The following GZMB variants were observed in gnomAD, a reference collection of about 807,000 sequenced individuals.
GZMB encodes T-cell serine protease 1-3E.
A neutral mutation model predicts 24.2 loss-of-function variants in GZMB; 27 were observed. The observed-to-expected ratio is 1.12, with a 90% CI of 0.82 to 1.54. The LOEUF (loss-of-function observed/expected upper bound fraction) is 1.54. Among genes scored for constraint, GZMB ranks in the 40% most tolerant of loss-of-function variants. The probability of loss-of-function intolerance (pLI) is 0.00; values close to 1 mark genes in which losing one functional copy is unlikely to be tolerated. For synonymous variants in GZMB, 121 were observed against 115.1 expected (o/e 1.05, Z -0.33); for missense variants, 336 against 310.1 (o/e 1.08, Z -0.63).
chr14:24,632,585 CAGGAA>C, intron 2 of GZMB, 126 bp from the exon 3 acceptor site: 3 of 1,473,332 alleles, frequency 2.0e-6, no homozygotes, highest in Non-Finnish European at 1.9e-6. Context: ...AGTCGGTCCC[CAGGAA>C]TTGGAATTCT....
rs997672902 is a variant in GZMB, at chr14:24,631,132, C to T, written c.683G>A (p.Arg228Gln). 19 of 1,612,434 alleles carry T rather than the reference C, an allele frequency of 1.2e-5. No homozygotes were observed. The highest frequency in any genetic ancestry group is 3.3e-4 in the Middle Eastern group (2 of 6,046). ...SYGRNNGMPP[R>Q]ACTKVSSFVH... The stretch of plus-strand genomic sequence containing the variant: ...AAAGCTTGAGACTTTGGTGCAGGCT[C>T]GTGGAGGCATGCCATTGTTTCGTCC... Residue 228 changes from arginine (R) to glutamine (Q), a missense_variant, in exon 5 of 5, where the codon CGA (arginine) becomes CAA (glutamine). Arg to Gln is a conservative substitution (Grantham distance 43). Transcript: ENST00000216341.
At chr14:24,632,685 T>C in intron 2 of GZMB, 1 of 824,260 alleles carries the variant, frequency 1.2e-6, no homozygotes, top group Non-Finnish European at 2.0e-6. Flanking sequence ...TGCCAAAGTA[T>C]GCCCCCAGTT....
At chr14:24,633,091 C>G in intron 1 of GZMB, 29 bp from the exon 2 acceptor site, 2 of 1,575,378 alleles carry the variant, frequency 1.3e-6, no homozygotes, top group South Asian at 1.2e-5. Context: ...TGCTTGTGGG[C>G]ACCCATGGAA....
At position 24,631,824 on chromosome 14, in the gene GZMB, C is replaced by G. The variant is rs948215007; in HGVS notation, c.600+34G>C. 3.1e-6 allele frequency: 5 copies of G among 1,599,988 alleles called. No individual in the cohort carries two copies. In the African/African-American group the frequency reaches 5.4e-5, roughly 17 times the overall value. ...CAGATATTCCCCAAACATCTTTCTC[C>G]CAAGAGCCAATCCAGGCAGGTGCAT... is the stretch of plus-strand genomic sequence containing the variant. On this transcript the variant is annotated intron_variant, in intron 4 of 4. Transcript: ENST00000216341.
At position 24,632,816 on chromosome 14, in the gene GZMB, G is replaced by A. The variant is rs562327651; in HGVS notation, c.203+99C>T. 2.1e-3 allele frequency: 2,575 copies of A among 1,220,166 alleles called. 3 individuals carry two copies. The highest frequency in any genetic ancestry group is 2.7e-3 in the Non-Finnish European group (2,211 of 827,886). 75.6% of individuals were successfully genotyped at this position (1,220,166 alleles called of 1,614,324 possible). A position where few individuals can be genotyped will look rare whatever the true frequency, so the allele number is the denominator to read the frequency against. On this transcript the variant is annotated intron_variant, in intron 2 of 4. Transcript: ENST00000216341. ...TCTCACCCTCTAAGGAGACCTCCTG[G>A]CATGTGTGTTCACAGGAGCCCAGGG...
chr14:24,631,291 A>G, intron 4 of GZMB, 77 bp from the exon 5 acceptor site: 1 of 1,329,816 alleles, frequency 7.5e-7, no homozygotes, highest in Non-Finnish European at 1.1e-6. Context: ...GCCCCCTTTT[A>G]GAAAAGGCCA....
At chr14:24,631,300 C>G in intron 4 of GZMB, 86 bp from the exon 5 acceptor site, 1 of 1,173,874 alleles carries the variant, frequency 8.5e-7, no homozygotes, top group Non-Finnish European at 1.2e-6. Context: ...TAGAAAAGGC[C>G]AACTTGCACA....
intron 1 of GZMB, 79 bp from the exon 2 acceptor site, chr14:24,633,141 T>G: frequency 6.7e-7 from 1 of 1,497,182 alleles, no homozygotes; most frequent in Middle Eastern, 1.8e-4. Context: ...CCAGAACTCC[T>G]GGGCATTTGG....
chr14:24,634,176 G>A lies in GZMB; in HGVS notation c.-16C>T, dbSNP rs753724472. 2.5e-6 allele frequency: 4 copies of A among 1,581,804 alleles called. No homozygotes were observed. The highest frequency in any genetic ancestry group is 8.6e-7 in the Non-Finnish European group (1 of 1,164,256). On this transcript the variant is annotated 5_prime_UTR_variant, in exon 1 of 5. Transcript: ENST00000216341. ...TTGGTTGCATCTTCTCAGGAAGGCT[G>A]CCCTGGTTGGAGCTGCTGTTGTTTC...
chr14:24,631,672 C>T, intron 4 of GZMB, 186 bp downstream of exon 4: 1 of 614,492 alleles, frequency 1.6e-6, no homozygotes. Flanking sequence ...CCACCATAAG[C>T]CTCCTGGTAA....
rs1207477056 is a variant in GZMB, at chr14:24,634,187, A to G, written c.-27T>C. On this transcript the variant is annotated 5_prime_UTR_variant, in exon 1 of 5. Coordinates refer to ENST00000216341, the MANE Select transcript of GZMB (RefSeq NM_004131.6). The stretch of plus-strand genomic sequence containing the variant: ...TTCTCAGGAAGGCTGCCCTGGTTGG[A>G]GCTGCTGTTGTTTCCTCCTTGCTCT... 6 of 1,576,382 alleles carry G rather than the reference A, an allele frequency of 3.8e-6. No homozygotes were observed. In the Admixed American group the frequency reaches 1.1e-4, roughly 30 times the overall value.
intron 2 of GZMB, 35 bp downstream of exon 2, chr14:24,632,880 T>C: frequency 6.3e-7 from 1 of 1,599,248 alleles, no homozygotes; most frequent in Non-Finnish European, 8.6e-7. Flanking sequence ...TGTGGAGTGT[T>C]TCCAGGAGGG....
chr14:24,631,129 G>A lies in GZMB; in HGVS notation c.686C>T (p.Ala229Val), dbSNP rs2066990607. The A allele has an allele frequency of 2.5e-6, 4 of 1,612,714 alleles. No homozygotes were observed. The highest frequency in any genetic ancestry group is 3.4e-6 in the Non-Finnish European group (4 of 1,178,746). Residue 229 changes from alanine to valine, a missense_variant, in exon 5 of 5, where the codon GCC becomes GTC. Coordinates refer to ENST00000216341, the MANE Select transcript of GZMB (RefSeq NM_004131.6). ...TACAAAGCTTGAGACTTTGGTGCAG[G>A]CTCGTGGAGGCATGCCATTGTTTCG... is the stretch of plus-strand genomic sequence containing the variant. The part of the protein sequence containing the change: ...YGRNNGMPPR[A>V]CTKVSSFVHW...
At position 24,631,190 on chromosome 14, in the gene GZMB, A is replaced by G; in HGVS notation, c.625T>C (p.Cys209Arg). ...ACAATGCCCTGGGCCACCTTGTTAC[A>G]CACAAGAGGGCCTCCAGAGTCCCCC... is the stretch of plus-strand genomic sequence containing the variant. The part of the protein sequence containing the change: ...FKGDSGGPLV[C>R]NKVAQGIVSY... The change falls in exon 5 of 5, where the codon TGT (cysteine) becomes CGT (arginine). Residue 209 changes from cysteine to arginine, a missense_variant. Coordinates refer to ENST00000216341, the MANE Select transcript of GZMB (RefSeq NM_004131.6). 1.2e-6 allele frequency: 2 copies of G among 1,613,308 alleles called. No individual in the cohort carries two copies. Among genetic ancestry groups the G allele is most frequent in the Non-Finnish European group, 1.7e-6 (2 of 1,179,394 alleles).
intron 1 of GZMB, 124 bp from the exon 2 acceptor site, chr14:24,633,186 G>A: frequency 6.8e-7 from 1 of 1,463,932 alleles, no homozygotes; most frequent in African/African-American, 1.4e-5. Context: ...GAGTGGCCTG[G>A]AGGAAGGGGC....
chr14:24,631,760 T>C, intron 4 of GZMB, 98 bp downstream of exon 4: 1 of 956,252 alleles, frequency 1.0e-6, no homozygotes, highest in Non-Finnish European at 1.7e-6. Context: ...CACAGTCTAG[T>C]GGGTGAAGGA....
intron 1 of GZMB, 58 bp from the exon 2 acceptor site, chr14:24,633,120 G>A: frequency 6.5e-7 from 1 of 1,532,672 alleles, no homozygotes; most frequent in Non-Finnish European, 8.8e-7. Context: ...GTGGGCACCT[G>A]CTTAGTGGCT....
In GZMB at chr14:24,631,403, T is replaced by C. The variant is rs1594827217; in HGVS notation, c.601-189A>G. The C allele has an allele frequency of 3.3e-5, 19 of 583,628 alleles. No homozygotes were observed. The East Asian group carries it at 5.3e-4, about 16-fold the overall frequency. 36.2% of individuals were successfully genotyped at this position (583,628 alleles called of 1,614,324 possible). On this transcript the variant is annotated intron_variant, in intron 4 of 4. Transcript: ENST00000216341. Reference sequence around the variant, plus strand: ...TGGACATTGTTACTGCTTCACCTCATCCCAGGGGCCAGCCTCCGTCATGTC... The same window carrying C: ...TGGACATTGTTACTGCTTCACCTCACCCCAGGGGCCAGCCTCCGTCATGTC...
intron 1 of GZMB, 64 bp downstream of exon 1, chr14:24,634,042 T>A: frequency 7.4e-7 from 1 of 1,356,894 alleles, no homozygotes; most frequent in Non-Finnish European, 1.0e-6. Flanking sequence ...ATCAGGAATG[T>A]GGAGAAAGGG....
Sources: gnomAD v4.1 joint callset for allele counts on GRCh38, gnomAD v4.1.1 for gene constraint, MANE v1.5 for transcripts, NCBI Gene and HGNC (gene_info 2026-07-23, HGNC 2026-07-21) for gene names.